The following GCM2 variants were observed in gnomAD, a reference collection of about 807,000 sequenced individuals.
GCM2 encodes GCM transcription factor 2, also known as chorion-specific transcription factor GCMb.
GCM2 carries 21 observed loss-of-function variants against 24.8 expected under a neutral mutation model. The observed-to-expected ratio is 0.85, with a 90% confidence interval of 0.60 to 1.22. The LOEUF is 1.22. Among genes scored for constraint, GCM2 ranks in the 50% most tolerant of loss-of-function variants. The probability of loss-of-function intolerance (pLI) is 0.00; values close to 1 mark genes in which losing one functional copy is unlikely to be tolerated. For missense variants in GCM2, 532 were observed against 645.6 expected, an observed-to-expected ratio of 0.82 and a Z score of 1.91; for synonymous variants, 222 against 238.0, an observed-to-expected ratio of 0.93 and a Z score of 0.62.
rs1328391672 is a variant in GCM2, at chr6:10,874,473, T to C, written c.1043A>G (p.His348Arg). 3.1e-6 allele frequency: 5 copies of C among 1,614,038 alleles called. No homozygotes were observed. In the South Asian group the frequency reaches 5.5e-5, roughly 18 times the overall value. ...AGTGGCCATGGCCTGAAACTGCCCA[T>C]GGTTAGTCCTTTCCACAAGGCTGGG... ...GKPSLVERTNHGQFQAMATRP... is the reference protein window; with the variant it reads ...GKPSLVERTNRGQFQAMATRP... The change falls in exon 5 of 5, where the codon CAT (histidine) becomes CGT (arginine). Residue 348 changes from histidine (H) to arginine (R), a missense_variant. Coordinates refer to ENST00000379491, the MANE Select transcript of GCM2 (RefSeq NM_004752.4).
chr6:10,881,991 G>T lies in GCM2; in HGVS notation c.-198C>A. ...GACAATGGTTATGGACCCGGGCGGG[G>T]CCTTGTCCTTGGCCGCGGTGCTGAA... is the stretch of plus-strand genomic sequence containing the variant. On this transcript the variant is annotated 5_prime_UTR_variant, in exon 1 of 5. Coordinates refer to ENST00000379491, the MANE Select transcript of GCM2 (RefSeq NM_004752.4). 1.7e-6 allele frequency: 1 copy of T among 601,954 alleles called. No homozygotes were observed. The highest frequency in any genetic ancestry group is 1.9e-5 in the South Asian group (1 of 52,098). The allele number at this position is 601,954 out of a possible 1,614,324, so 37.3% of individuals were successfully genotyped here.
chr6:10,874,915 T>C lies in GCM2; in HGVS notation c.601A>G (p.Ser201Gly), dbSNP rs368597726. 1 of 1,612,682 alleles carries C rather than the reference T, an allele frequency of 6.2e-7. No individual in the cohort carries two copies. Among genetic ancestry groups the C allele is most frequent in the African/African-American group, 1.3e-5 (1 of 75,000 alleles). Residue 201 changes from serine (S) to glycine (G), a missense_variant, in exon 5 of 5, where the codon AGC becomes GGC. By Grantham distance (56) the Ser-to-Gly change is moderately conservative. Around this residue, in one of 3 missense-constraint regions of GCM2, gnomAD observed 434 missense variants for 521.9 expected, o/e 0.83. Transcript: ENST00000379491. ...RESEAEENQD[S>G]SGHFSNIPPL... The stretch of plus-strand genomic sequence containing the variant: ...GGTATGTTGCTGAAATGACCACTGC[T>C]GTCTTGATTTTCTTCTGCCTAGAAA...
rs1252696610 is a variant in GCM2, at chr6:10,875,890, C to A, written c.582+1G>T. 6.2e-7 allele frequency: 1 copy of A among 1,613,986 alleles called. No individual in the cohort carries two copies. The highest frequency in any genetic ancestry group is 1.1e-5 in the South Asian group (1 of 91,086). ...ACTGTGCACTATCAGCTCCCTGTTA[C>A]CTCGGATTCTCGAATTCTCTTTTTC... On this transcript the variant is annotated splice_donor_variant, in intron 4 of 4. Transcript: ENST00000379491. LOFTEE classifies it high-confidence loss of function.
chr6:10,881,577 T>G, intron 1 of GCM2, 127 bp downstream of exon 1: 1 of 657,912 alleles, frequency 1.5e-6, no homozygotes, highest in Non-Finnish European at 2.7e-6. Flanking sequence ...TGTGTGTGTG[T>G]GTGTGTGTGT....
chr6:10,881,252 G>C (rs555989680), intron 1 of GCM2, among the ~76,000 whole-genome samples: 3 of 152,014 alleles, frequency 2.0e-5, no homozygotes, highest in African/African-American at 7.3e-5. Context: ...TCTGCCTCTC[G>C]GGTTCAAGCG....
At position 10,874,196 on chromosome 6, in the gene GCM2, G is replaced by A. The variant is rs1378615384; in HGVS notation, c.1320C>T (p.Ala440=). 2 of 1,614,214 alleles carry A rather than the reference G, an allele frequency of 1.2e-6. No homozygotes were observed. The highest frequency in any genetic ancestry group is 1.7e-6 in the Non-Finnish European group (2 of 1,180,030). The change falls in exon 5 of 5, where the codon GCC becomes GCT. Residue 440 remains alanine, a synonymous_variant. Transcript: ENST00000379491. The part of the protein sequence containing the change: ...WGPPVTVTRA[A]SPSGPPPMKI... The stretch of plus-strand genomic sequence containing the variant: ...TCATAGGAGGTGGCCCTGAAGGAGA[G>A]GCTGCCCTGGTGACTGTCACCGGAG...
At chr6:10,875,470 G>GC (rs1415377009) in intron 4 of GCM2, among the ~76,000 whole-genome samples, 1 of 152,186 alleles carries the variant, frequency 6.6e-6, no homozygotes, top group African/African-American at 2.4e-5. Context: ...TGCCTGCTTG[G>GC]CGTGCTTTGG....
In GCM2 at chr6:10,876,026, C is replaced by T. The variant is rs369032326; in HGVS notation, c.457-10G>A. 5.8e-5 allele frequency: 94 copies of T among 1,613,912 alleles called. No individual in the cohort carries two copies. Among genetic ancestry groups the T allele is most frequent in the Middle Eastern group, 1.6e-4 (1 of 6,062 alleles). ...CATGAACTCCCTTGGCCTGCGATAACGAGAAAATGAATCATACATTTGTGC... is the reference window on the plus strand; with the variant it reads ...CATGAACTCCCTTGGCCTGCGATAATGAGAAAATGAATCATACATTTGTGC... On this transcript the variant is annotated splice_polypyrimidine_tract_variant and intron_variant, in intron 3 of 4. Transcript: ENST00000379491.
rs373057036 is a variant in GCM2 at position 10,876,490 on chromosome 6, G to C, written c.411C>G (p.Pro137=). The change falls in exon 3 of 5, where the codon CCC becomes CCG. Residue 137 remains proline (P), a synonymous_variant. Coordinates refer to ENST00000379491, the MANE Select transcript of GCM2 (RefSeq NM_004752.4). ...CATCAAGCCGCCAAAAGTTGGTTAC[G>C]GGGTATCCGCTGTGCCCTCGACAAG... The part of the protein sequence containing the change: ...LIPCRGHSGY[P]VTNFWRLDGN... 1 of 1,614,040 alleles carries C rather than the reference G, an allele frequency of 6.2e-7. No individual in the cohort carries two copies. The highest frequency in any genetic ancestry group is 8.5e-7 in the Non-Finnish European group (1 of 1,179,892).
chr6:10,881,549 CGGGTATGTGTGTGTGT>C (rs1263462663), intron 1 of GCM2, among the ~76,000 whole-genome samples, 139 bp downstream of exon 1: 12 of 134,410 alleles, frequency 8.9e-5, no homozygotes, highest in African/African-American at 3.5e-4. Flanking sequence ...AGAAATTTTG[CGGGTATGTGTGTGTGT>C]GTGTGTGTGT....
At chr6:10,878,508 G>A (rs984044618) in intron 1 of GCM2, among the ~76,000 whole-genome samples, 1 of 151,986 alleles carries the variant, frequency 6.6e-6, no homozygotes, top group African/African-American at 2.4e-5. Flanking sequence ...TAGTAGAGAT[G>A]GGGTTTCACC....
intron 1 of GCM2, among the ~76,000 whole-genome samples, chr6:10,880,724 C>T (rs1779946367): frequency 6.6e-6 from 1 of 152,148 alleles, no homozygotes; most frequent in Non-Finnish European, 1.5e-5. Flanking sequence ...AACAAATTCA[C>T]CCTAAAAGAA....
chr6:10,874,098 T>A lies in GCM2; in HGVS notation c.1418A>T (p.Asp473Val). The stretch of plus-strand genomic sequence containing the variant: ...ACACACATCCCAAGTCTCTGCTTCA[T>A]CTGTCCTAGAGGAAACTGGCTCGTG... ...IPHEPVSSRTDEAETWDVCLS... is the reference protein window; with the variant it reads ...IPHEPVSSRTVEAETWDVCLS... Residue 473 changes from aspartate to valine, a missense_variant, in exon 5 of 5, where the codon GAT becomes GTT. Physicochemically the swap from Asp to Val is radical, Grantham distance 152 (BLOSUM62 -3). This residue lies in a region of GCM2 where 434 missense variants were observed against 521.9 expected (regional missense o/e 0.83). Coordinates refer to ENST00000379491, the MANE Select transcript of GCM2 (RefSeq NM_004752.4). 1.2e-6 allele frequency: 2 copies of A among 1,614,226 alleles called. No individual in the cohort carries two copies. Among genetic ancestry groups the A allele is most frequent in the Non-Finnish European group, 1.7e-6 (2 of 1,180,044 alleles).
intron 3 of GCM2, 51 bp downstream of exon 3, chr6:10,876,394 T>G (rs1779879320): frequency 8.3e-7 from 1 of 1,211,496 alleles, no homozygotes; most frequent in South Asian, 1.2e-5. Context: ...GTTTGGCCTT[T>G]GTGGTCTGAT....
intron 1 of GCM2, 50 bp downstream of exon 1, chr6:10,881,654 C>T (rs1157160493): frequency 1.5e-6 from 2 of 1,335,842 alleles, no homozygotes; most frequent in Non-Finnish European, 2.1e-6. Flanking sequence ...CATTCTCCCT[C>T]CTTCGGATGG....
In GCM2 at chr6:10,881,900, GT is replaced by G; in HGVS notation, c.-108del. The G allele has an allele frequency of 1.2e-6, 1 of 811,518 alleles. No homozygotes were observed. Among genetic ancestry groups the G allele is most frequent in the African/African-American group, 1.7e-5 (1 of 59,466 alleles). The allele number at this position is 811,518 out of a possible 1,614,324, so 50.3% of individuals were successfully genotyped here. ...TCTTCTCTTTAAAGAAGAAAGTGGGGTGTGTGAAGGGGAGGTGCAGAGAGAG... is the reference window on the plus strand; with the variant it reads ...TCTTCTCTTTAAAGAAGAAAGTGGGGGTGTGAAGGGGAGGTGCAGAGAGAG... On this transcript the variant is annotated 5_prime_UTR_variant, in exon 1 of 5. Coordinates refer to ENST00000379491, the MANE Select transcript of GCM2 (RefSeq NM_004752.4).
Position 10,881,858 on chromosome 6 carries a change from G to A in GCM2, c.-65C>T. 2 of 1,335,188 alleles carry A rather than the reference G, an allele frequency of 1.5e-6. No homozygotes were observed. Among genetic ancestry groups the A allele is most frequent in the South Asian group, 2.4e-5 (2 of 84,742 alleles). 82.7% of individuals were successfully genotyped at this position (1,335,188 alleles called of 1,614,324 possible). A position where few individuals can be genotyped will look rare whatever the true frequency, so the allele number is the denominator to read the frequency against. On this transcript the variant is annotated 5_prime_UTR_variant, in exon 1 of 5. Transcript: ENST00000379491. ...AAATAGAAGAAAAAAGGACAGGTGCGCCAGGTGGGTTTTTTTTCTTCTCTT... is the reference window on the plus strand; with the variant it reads ...AAATAGAAGAAAAAAGGACAGGTGCACCAGGTGGGTTTTTTTTCTTCTCTT...
rs387907433 is a variant in GCM2 at position 10,874,239 on chromosome 6, T to C, written c.1277A>G (p.Tyr426Cys). 10 of 1,614,068 alleles carry C rather than the reference T, an allele frequency of 6.2e-6. No individual in the cohort carries two copies. The highest frequency in any genetic ancestry group is 2.7e-5 in the African/African-American group (2 of 74,940). Residue 426 changes from tyrosine to cysteine, a missense_variant, in exon 5 of 5, where the codon TAT becomes TGT. Physicochemically the swap from Tyr to Cys is radical, Grantham distance 194. Coordinates refer to ENST00000379491, the MANE Select transcript of GCM2 (RefSeq NM_004752.4). The stretch of plus-strand genomic sequence containing the variant: ...CACCGGAGGACCCCAGGGTTCTGGA[T>C]AGACAGACATCCCAGTATCTTCAGG... ...YAPEDTGMSV[Y>C]PEPWGPPVTV...
intron 1 of GCM2, among the ~76,000 whole-genome samples, chr6:10,880,210 G>A (rs548638839): frequency 1.6e-4 from 25 of 152,156 alleles, no homozygotes; most frequent in African/African-American, 5.1e-4. Context: ...AGCTGAGATC[G>A]TGTGATTGCA....
Sources: allele counts gnomAD v4.1 joint callset (sites outside exome capture counted in the v4.1 genomes callset), GRCh38; gene constraint gnomAD v4.1.1; regional missense constraint gnomAD v4.1.1; transcripts MANE v1.5; gene names NCBI Gene and HGNC (gene_info 2026-07-23, HGNC 2026-07-21).